DOCK6: variants seen among roughly 807,000 people sequenced by gnomAD.
DOCK6 encodes the protein dedicator of cytokinesis 6.
In DOCK6, 167 loss-of-function variants were observed where a neutral mutation model predicts 230.3. That is an observed-to-expected ratio of 0.73 (90% confidence interval 0.64 to 0.82). The LOEUF is 0.82. Among genes scored for constraint, DOCK6 ranks in the 40% least tolerant of loss-of-function variants. DOCK6 has a pLI of 0.00. For missense variants in DOCK6, 2,598 were observed against 2,825.8 expected, an observed-to-expected ratio of 0.92 and a Z score of 1.83; for synonymous variants, 1,148 against 1,185.0, an observed-to-expected ratio of 0.97 and a Z score of 0.64.
chr19:11,240,552 G>A (rs1341118792), intron 14 of DOCK6, among the ~76,000 whole-genome samples: 2 of 151,994 alleles, frequency 1.3e-5, no homozygotes, highest in African/African-American at 4.8e-5. Flanking sequence ...TTCAGCATGG[G>A]GCGGGCACAC....
At chr19:11,220,538 A>C (rs996144969) in intron 28 of DOCK6, among the ~76,000 whole-genome samples, 1 of 152,204 alleles carries the variant, frequency 6.6e-6, no homozygotes, top group South Asian at 2.1e-4. Context: ...CAAAGATGAC[A>C]TTGCTTCATC....
intron 41 of DOCK6, chr19:11,203,677 T>G (rs1457125127): frequency 3.0e-5 from 7 of 236,800 alleles, no homozygotes; most frequent in Non-Finnish European, 5.7e-5. Context: ...GGAAGCTGGG[T>G]ACGCAGGGAG....
At chr19:11,260,582 A>C (rs1014750902) in intron 1 of DOCK6, among the ~76,000 whole-genome samples, 12 of 151,240 alleles carry the variant, frequency 7.9e-5, no homozygotes, top group African/African-American at 2.9e-4. Context: ...CCTGTCTCAA[A>C]AAAAGAAAAG....
chr19:11,211,959 A>C (rs1281995965), intron 36 of DOCK6, 34 bp downstream of exon 36: 8 of 1,057,910 alleles, frequency 7.6e-6, no homozygotes, highest in African/African-American at 1.9e-5. Context: ...AGTTATATGA[A>C]GGGGAGGCGG....
At chr19:11,259,133 C>T (rs2080243456) in intron 1 of DOCK6, among the ~76,000 whole-genome samples, 2 of 152,072 alleles carry the variant, frequency 1.3e-5, no homozygotes, top group Non-Finnish European at 2.9e-5. Context: ...CTCACTGCAG[C>T]CTCAACCTCC....
At chr19:11,227,833 G>T (rs1333726762) in intron 23 of DOCK6, among the ~76,000 whole-genome samples, 1 of 151,456 alleles carries the variant, frequency 6.6e-6, no homozygotes, top group Admixed American at 6.6e-5. Context: ...GGCTTATGCG[G>T]GTCTCCCCAG....
In DOCK6 at chr19:11,243,757, T is replaced by C. The variant is rs1368455988; in HGVS notation, c.1104+45A>G. The C allele has an allele frequency of 5.0e-6, 8 of 1,613,512 alleles. No individual in the cohort carries two copies. Among genetic ancestry groups the C allele is most frequent in the Non-Finnish European group, 5.9e-6 (7 of 1,179,768 alleles). ...TGCCAGCTCAGCATCCTAGCCCTGC[T>C]GAGTCAGGGATCTGTTGCCCCTAGT... On this transcript the variant is annotated intron_variant, in intron 10 of 47. Coordinates refer to ENST00000294618, the MANE Select transcript of DOCK6 (RefSeq NM_020812.4). This position sits in a 1 kb window ranked among gnomAD's most constrained non-coding sequence, Gnocchi z 6.3.
chr19:11,202,049 C>G lies in DOCK6; in HGVS notation c.5528G>C (p.Arg1843Pro). 1 of 1,614,026 alleles carries G rather than the reference C, an allele frequency of 6.2e-7. No homozygotes were observed. The highest frequency in any genetic ancestry group is 8.5e-7 in the Non-Finnish European group (1 of 1,179,910). ...CAGGAATGTGCGAAGCCCATAGTTG[C>G]GGTCAAAGTAGGTCACCCGGTCCTT... ...ELKDRVTYFD[R>P]NYGLRTFLFC... The change falls in exon 44 of 48, where the codon CGC becomes CCC. Residue 1843 changes from arginine (R) to proline (P), a missense_variant. Transcript: ENST00000294618. The surrounding 1 kb of genome is among the most constrained non-coding windows in gnomAD (Gnocchi z 5.3).
At position 11,243,732 on chromosome 19, in the gene DOCK6, TG is replaced by T; in HGVS notation, c.1105-23del. 12 of 1,613,854 alleles carry T rather than the reference TG, an allele frequency of 7.4e-6. No homozygotes were observed. Among genetic ancestry groups the T allele is most frequent in the Non-Finnish European group, 1.0e-5 (12 of 1,179,800 alleles). On this transcript the variant is annotated intron_variant, in intron 10 of 47. Transcript: ENST00000294618. This position sits in a 1 kb window ranked among gnomAD's most constrained non-coding sequence, Gnocchi z 6.3. ...TGTTCTGTGGGGAGACCCCGTCCCC[TG>T]CCAGCTCAGCATCCTAGCCCTGCTG...
At chr19:11,224,906 T>C (rs183335521) in intron 24 of DOCK6, among the ~76,000 whole-genome samples, 630 of 151,824 alleles carry the variant, frequency 4.1e-3, no homozygotes, top group Non-Finnish European at 7.2e-3. Context: ...CTACTAAAAA[T>C]ACAAAAAATT....
chr19:11,236,778 C>G lies in DOCK6; in HGVS notation c.2160+15G>C. ...GGAGCAGGGCGGGACTCTTGGTTCC[C>G]GGCCCACCCCGTACCTGGGGGTGCA... On this transcript the variant is annotated intron_variant, in intron 19 of 47. Transcript: ENST00000294618. This position sits in a 1 kb window ranked among gnomAD's most constrained non-coding sequence, Gnocchi z 5.2. The G allele has an allele frequency of 1.3e-6, 2 of 1,551,840 alleles. No homozygotes were observed. The highest frequency in any genetic ancestry group is 1.7e-6 in the Non-Finnish European group (2 of 1,147,448).
rs751536552 is a variant in DOCK6, at chr19:11,233,376, G to A, written c.2555-10C>T. 2 of 1,611,732 alleles carry A rather than the reference G, an allele frequency of 1.2e-6. No homozygotes were observed. Among genetic ancestry groups the A allele is most frequent in the African/African-American group, 1.3e-5 (1 of 74,884 alleles). On this transcript the variant is annotated splice_polypyrimidine_tract_variant and intron_variant, in intron 21 of 47. Coordinates refer to ENST00000294618, the MANE Select transcript of DOCK6 (RefSeq NM_020812.4). Reference sequence around the variant, plus strand: ...GTCACTGGAGGGGCCCCTGAGGATGGAGTGAATAGGGTCAACCACCCACCC... The same window carrying A: ...GTCACTGGAGGGGCCCCTGAGGATGAAGTGAATAGGGTCAACCACCCACCC...
intron 23 of DOCK6, 123 bp from the exon 24 acceptor site, chr19:11,227,600 G>C (rs2079689713): frequency 5.6e-6 from 7 of 1,249,502 alleles, no homozygotes; most frequent in Non-Finnish European, 6.6e-6. Context: ...GGGGCTTGAA[G>C]GGCTGTGGGT....
At position 11,202,799 on chromosome 19, in the gene DOCK6, G is replaced by A; in HGVS notation, c.5236-90C>T. The A allele has an allele frequency of 6.3e-7, 1 of 1,592,648 alleles. No homozygotes were observed. The highest frequency in any genetic ancestry group is 8.5e-7 in the Non-Finnish European group (1 of 1,173,722). Reference sequence around the variant, plus strand: ...GATAGGTGTCTCGAATATCAGGATGGGAGTGTGAGGACCCCGAGAACATCA... The same window carrying A: ...GATAGGTGTCTCGAATATCAGGATGAGAGTGTGAGGACCCCGAGAACATCA... On this transcript the variant is annotated intron_variant, in intron 41 of 47. Coordinates refer to ENST00000294618, the MANE Select transcript of DOCK6 (RefSeq NM_020812.4). The surrounding 1 kb of genome is among the most constrained non-coding windows in gnomAD (Gnocchi z 5.3).
Position 11,213,184 on chromosome 19 carries a change from T to C in DOCK6, c.4483A>G (p.Ile1495Val). ...TCCTAGCCCCCACTCACGTGGCCGA[T>C]CTCGAAGTTCTGTCGCATGAGCAGG... Reference protein sequence around the residue: ...LYLLMRQNFEIGHNFARVKMQ... With the variant: ...LYLLMRQNFEVGHNFARVKMQ... The change falls in exon 35 of 48, where the codon ATC becomes GTC. Residue 1495 changes from isoleucine (I) to valine (V), a missense_variant. Transcript: ENST00000294618. 3 of 1,611,906 alleles carry C rather than the reference T, an allele frequency of 1.9e-6. No homozygotes were observed. Among genetic ancestry groups the C allele is most frequent in the Non-Finnish European group, 1.7e-6 (2 of 1,178,890 alleles).
intron 16 of DOCK6, 93 bp downstream of exon 16, chr19:11,237,952 T>G: frequency 6.8e-7 from 1 of 1,476,140 alleles, no homozygotes; most frequent in East Asian, 2.5e-5. Flanking sequence ...CTGTCCCCCA[T>G]CTTCCCATCG....
chr19:11,258,464 T>A (rs886738183), intron 1 of DOCK6, among the ~76,000 whole-genome samples: 1 of 150,806 alleles, frequency 6.6e-6, no homozygotes, highest in African/African-American at 2.4e-5. Flanking sequence ...TGAGATGGAG[T>A]CTCTGTCGTC....
At chr19:11,235,477 C>T in intron 21 of DOCK6, 121 bp downstream of exon 21, 1 of 1,015,566 alleles carries the variant, frequency 9.8e-7, no homozygotes, top group Non-Finnish European at 1.4e-6. Flanking sequence ...TCTCGAACTC[C>T]TGACCTCAAA....
At position 11,255,439 on chromosome 19, in the gene DOCK6, A is replaced by C. The variant is rs180693136; in HGVS notation, c.45-1713T>G. 4.8e-4 allele frequency among the ~76,000 whole-genome samples: 72 copies of C among 150,846 alleles called. 1 individual carries two copies. Among genetic ancestry groups the C allele is most frequent in the African/African-American group, 1.7e-3 (68 of 40,952 alleles). The stretch of plus-strand genomic sequence containing the variant: ...CCTCCCACCTCAGCCTCAGCCTCCC[A>C]AGTAGCTGTGATTACAGGTGTGCAC... On this transcript the variant is annotated intron_variant, in intron 1 of 47. Coordinates refer to ENST00000294618, the MANE Select transcript of DOCK6 (RefSeq NM_020812.4).
Sources: gnomAD v4.1 joint callset for allele counts (sites outside exome capture counted in the v4.1 genomes callset) on GRCh38, gnomAD v4.1.1 for gene constraint, Gnocchi (gnomAD v3.1) non-coding constraint, MANE v1.5 for transcripts, NCBI Gene and HGNC (gene_info 2026-07-23, HGNC 2026-07-21) for gene names.